The following ATP9A variants were observed in gnomAD, a reference collection of about 807,000 sequenced individuals.
ATP9A encodes the protein probable phospholipid-transporting ATPase IIA.
Under a neutral mutation model 144.1 loss-of-function variants are expected in ATP9A, and 52 were observed. That is an observed-to-expected ratio of 0.36 (90% confidence interval 0.29 to 0.45). ATP9A has a LOEUF of 0.45. Ranked by LOEUF, ATP9A falls within the 20% of genes least tolerant of loss-of-function variation. The pLI, the probability that ATP9A is intolerant of heterozygous loss-of-function variation, is 1.00. For synonymous variants in ATP9A, 582 were observed against 557.4 expected (o/e 1.04, Z -0.62); for missense variants, 947 against 1,392.7 (o/e 0.68, Z 5.09).
intron 2 of ATP9A, among the ~76,000 whole-genome samples, chr20:51,728,995 G>A (rs535766963): frequency 6.6e-6 from 1 of 152,314 alleles, no homozygotes; most frequent in East Asian, 1.9e-4. Context: ...CATGTCCACA[G>A]ATTTGTGTAA....
rs190370313 is a variant in ATP9A, at chr20:51,625,306, C to T, written c.1902G>A (p.Thr634=). The T allele has an allele frequency of 4.3e-6, 7 of 1,614,226 alleles. No homozygotes were observed. The highest frequency in any genetic ancestry group is 4.0e-5 in the African/African-American group (3 of 75,064). Residue 634 remains threonine (T), a synonymous_variant, in exon 18 of 28, where the codon ACG becomes ACA. Transcript: ENST00000338821. ...SVHDRSLKVA[T]VIESLEMEME... is the part of the protein sequence containing the mutation. ...TCTCCATCTCCAGGCTCTCGATCAC[C>T]GTGGCCACTTTGAGGGAGCGGTCGT...
intron 18 of ATP9A, among the ~76,000 whole-genome samples, chr20:51,624,630 G>A (rs1187894458): frequency 1.3e-5 from 2 of 152,250 alleles, no homozygotes; most frequent in Admixed American, 6.5e-5. Context: ...ACACTGCTCG[G>A]CCTTGAGCAC....
At chr20:51,666,678 TTAAAAA>T (rs2077434345) in intron 13 of ATP9A, among the ~76,000 whole-genome samples, 1 of 84,618 alleles carries the variant, frequency 1.2e-5, no homozygotes, top group African/African-American at 4.9e-5. Flanking sequence ...AGACTGTGTC[TTAAAAA>T]AAAAAAAAAA....
At chr20:51,706,943 C>T (rs1371780696) in intron 4 of ATP9A, among the ~76,000 whole-genome samples, 1 of 152,148 alleles carries the variant, frequency 6.6e-6, no homozygotes, top group Non-Finnish European at 1.5e-5. Context: ...ATCAACCCTT[C>T]CATAGCCTCA....
At chr20:51,724,342 T>C (rs1282000223) in intron 3 of ATP9A, among the ~76,000 whole-genome samples, 2 of 152,108 alleles carry the variant, frequency 1.3e-5, no homozygotes, top group Admixed American at 1.3e-4. Context: ...CTCAGTTACA[T>C]TGGACCTCTT....
intron 3 of ATP9A, among the ~76,000 whole-genome samples, chr20:51,722,812 C>G (rs935488770): frequency 6.6e-6 from 1 of 152,130 alleles, no homozygotes; most frequent in Non-Finnish European, 1.5e-5. Flanking sequence ...GAAGAACTAC[C>G]ATTGATCCAC....
intron 21 of ATP9A, among the ~76,000 whole-genome samples, chr20:51,618,261 C>G (rs371589209): frequency 6.6e-6 from 1 of 151,638 alleles, no homozygotes; most frequent in African/African-American, 2.4e-5. Flanking sequence ...TTCATGACAC[C>G]ATTTAAGGAA....
intron 3 of ATP9A, among the ~76,000 whole-genome samples, chr20:51,719,517 G>C (rs1973756414): frequency 6.7e-6 from 1 of 149,442 alleles, no homozygotes; most frequent in African/African-American, 2.5e-5. Context: ...GGCGGATCAA[G>C]AGGTCAAGAG....
intron 1 of ATP9A, among the ~76,000 whole-genome samples, chr20:51,754,109 G>A (rs1487583160): frequency 6.7e-6 from 1 of 150,092 alleles, no homozygotes; most frequent in Admixed American, 6.7e-5. Context: ...GGAGCCTGGA[G>A]CCCCACAGGA....
chr20:51,737,618 G>C (rs2077767948), intron 1 of ATP9A, among the ~76,000 whole-genome samples: 4 of 152,154 alleles, frequency 2.6e-5, no homozygotes. Context: ...TGAAAAAAGA[G>C]AATTGTTGGA....
chr20:51,762,837 G>A (rs1245852656), intron 1 of ATP9A, among the ~76,000 whole-genome samples: 1 of 148,680 alleles, frequency 6.7e-6, no homozygotes, highest in Non-Finnish European at 1.5e-5. Context: ...AGCCTCCCAA[G>A]TAGCAAGGAC....
chr20:51,606,241 A>G (rs2077163089), intron 26 of ATP9A, among the ~76,000 whole-genome samples: 1 of 152,250 alleles, frequency 6.6e-6, no homozygotes, highest in South Asian at 2.1e-4. Context: ...TGGACAAAAG[A>G]GCAAAACTCC....
chr20:51,691,372 G>A (rs1214709000), intron 7 of ATP9A, among the ~76,000 whole-genome samples: 1 of 152,214 alleles, frequency 6.6e-6, no homozygotes, highest in Non-Finnish European at 1.5e-5. Context: ...AGGAGGCTGA[G>A]GCAGGAGAAT....
At chr20:51,604,239 C>A (rs1047269458) in intron 27 of ATP9A, among the ~76,000 whole-genome samples, 1 of 152,128 alleles carries the variant, frequency 6.6e-6, no homozygotes, top group Non-Finnish European at 1.5e-5. Flanking sequence ...CTGGCGAGCC[C>A]GTCCACCTCA....
chr20:51,602,415 C>T (rs1464514051), intron 27 of ATP9A, among the ~76,000 whole-genome samples: 4 of 152,162 alleles, frequency 2.6e-5, no homozygotes, highest in African/African-American at 9.7e-5. Context: ...GTGGTGTGTC[C>T]CTATCACAAA....
intron 1 of ATP9A, among the ~76,000 whole-genome samples, chr20:51,748,948 T>TAGATAGACAGACAGAC (rs765791447): frequency 0.064 from 8,871 of 137,624 alleles, 342 homozygotes; most frequent in Non-Finnish European, 0.08. Flanking sequence ...GATAGATAGA[T>TAGATAGACAGACAGAC]AGACAGACAG....
At chr20:51,635,888 G>A (rs1464269323) in intron 15 of ATP9A, among the ~76,000 whole-genome samples, 2 of 145,604 alleles carry the variant, frequency 1.4e-5, no homozygotes, top group Non-Finnish European at 3.0e-5. Flanking sequence ...AGGAGGGGAG[G>A]GGAGGGGAGA....
chr20:51,640,852 G>A (rs949639137), intron 14 of ATP9A, among the ~76,000 whole-genome samples: 3 of 152,146 alleles, frequency 2.0e-5, no homozygotes, highest in Non-Finnish European at 4.4e-5. Context: ...CAGGGACTAG[G>A]GCCAGGGTGG....
chr20:51,696,276 T>C lies in ATP9A; in HGVS notation c.496-132A>G, dbSNP rs890581567. The C allele has an allele frequency of 2.9e-4, 190 of 652,348 alleles. 2 individuals carry two copies. The highest frequency in any genetic ancestry group is 4.8e-5 in the Non-Finnish European group (18 of 371,620). 40.4% of individuals were successfully genotyped at this position (652,348 alleles called of 1,614,324 possible). A position where few individuals can be genotyped will look rare whatever the true frequency, so the allele number is the denominator to read the frequency against. On this transcript the variant is annotated intron_variant, in intron 5 of 27. Coordinates refer to ENST00000338821, the MANE Select transcript of ATP9A (RefSeq NM_006045.3). Reference sequence around the variant, plus strand: ...GGGGGGACTGAAACTCACAGACTCTTTTACGTTTCTGCCTTTGTCAAAGAC... The same window carrying C: ...GGGGGGACTGAAACTCACAGACTCTCTTACGTTTCTGCCTTTGTCAAAGAC...
Sources: allele counts gnomAD v4.1 joint callset (sites outside exome capture counted in the v4.1 genomes callset), GRCh38; gene constraint gnomAD v4.1.1; transcripts MANE v1.5; gene names NCBI Gene and HGNC (gene_info 2026-07-23, HGNC 2026-07-21).